Variants in SCML4 observed in about 807,000 individuals in gnomAD.
SCML4 encodes sex comb on midleg-like protein 4.
SCML4 carries 34 observed loss-of-function variants against 41.1 expected under a neutral mutation model. The ratio of observed to expected loss-of-function variants is 0.83; its 90% CI spans 0.63 to 1.10. The LOEUF is 1.10. SCML4 is among the 50% of genes least tolerant of loss of function. The pLI, the probability that SCML4 is intolerant of heterozygous loss-of-function variation, is 0.00. For missense variants in SCML4, 522 were observed against 534.1 expected (o/e 0.98, Z 0.22); for synonymous variants, 214 against 220.9 (o/e 0.97, Z 0.28).
At position 107,745,142 on chromosome 6, in the gene SCML4, G is replaced by C; in HGVS notation, c.489C>G (p.Val163=). 1 of 1,565,608 alleles carries C rather than the reference G, an allele frequency of 6.4e-7. No individual in the cohort carries two copies. Among genetic ancestry groups the C allele is most frequent in the Non-Finnish European group, 8.7e-7 (1 of 1,154,006 alleles). ...GCTGTTTGCCATCAAAGGAAGCCGA[G>C]ACTGGAAAACCAGAGAGATGTCAGC... ...KQGYGGEMVS[V]SASFDGKQHL... is the part of the protein sequence containing the mutation. Residue 163 remains valine, a splice_region_variant and synonymous_variant, in exon 5 of 8, where the codon GTC becomes GTG. Coordinates refer to ENST00000369020, the MANE Select transcript of SCML4 (RefSeq NM_198081.5).
In SCML4 at chr6:107,772,174, T is replaced by C; in HGVS notation, c.154A>G (p.Lys52Glu). The C allele has an allele frequency of 1.3e-6, 2 of 1,549,644 alleles. No individual in the cohort carries two copies. Among genetic ancestry groups the C allele is most frequent in the Non-Finnish European group, 1.7e-6 (2 of 1,146,004 alleles). The change falls in exon 2 of 8, where the codon AAG becomes GAG. Residue 52 changes from lysine (K) to glutamate (E), a missense_variant and splice_region_variant. Coordinates refer to ENST00000369020, the MANE Select transcript of SCML4 (RefSeq NM_198081.5). ...AGAAGGAGATGATGGAGCCGTACCT[T>C]GTACCCGGGTTTCCGCCCTCTTTTC... The part of the protein sequence containing the change: ...PKKRGRKPGY[K>E]IKSRVLMTPL...
intron 3 of SCML4, among the ~76,000 whole-genome samples, chr6:107,749,220 T>C (rs1001818747): frequency 5.3e-5 from 8 of 152,052 alleles, no homozygotes; most frequent in African/African-American, 1.7e-4. Flanking sequence ...TGCCCCACCA[T>C]AGACAGAGAT....
chr6:107,705,912 T>G (rs6910021), intron 7 of SCML4, among the ~76,000 whole-genome samples: 133,014 of 152,148 alleles, frequency 0.87, 58,288 homozygotes, highest in South Asian at 0.92. Flanking sequence ...GCCAGTCCTT[T>G]GAGGTTTGGT....
intron 5 of SCML4, 108 bp downstream of exon 5, chr6:107,744,840 CA>C (rs879617196): frequency 2.2e-6 from 2 of 923,480 alleles, no homozygotes; most frequent in Non-Finnish European, 3.3e-6. Flanking sequence ...CATGGGGCTC[CA>C]GTGGCAGAAC....
At chr6:107,764,723 T>C (rs1368297830) in intron 2 of SCML4, among the ~76,000 whole-genome samples, 1 of 152,144 alleles carries the variant, frequency 6.6e-6, no homozygotes, top group Non-Finnish European at 1.5e-5. Context: ...CCCACCCAAA[T>C]CTCATCTTGA....
chr6:107,817,799 C>A (rs1475965825), intron 1 of SCML4, among the ~76,000 whole-genome samples: 2 of 152,028 alleles, frequency 1.3e-5, no homozygotes, highest in Non-Finnish European at 2.9e-5. Flanking sequence ...CATTGGCCCC[C>A]ACACATTCTC....
intron 2 of SCML4, among the ~76,000 whole-genome samples, chr6:107,759,771 C>G (rs1353789225): frequency 6.6e-6 from 1 of 152,072 alleles, no homozygotes; most frequent in African/African-American, 2.4e-5. Flanking sequence ...CAGAATGAGA[C>G]AGCAAAAGTT....
chr6:107,839,347 A>G, the SCML4 span, among the ~76,000 whole-genome samples: 20 of 23,512 alleles, frequency 8.5e-4, no homozygotes, highest in South Asian at 1.9e-3. Context: ...GAGAAAAAGA[A>G]AGAAAGAAAG....
chr6:107,822,521 T>TTTTG (rs398002553), intron 1 of SCML4, among the ~76,000 whole-genome samples: 1 of 123,346 alleles, frequency 8.1e-6, no homozygotes, highest in East Asian at 2.5e-4. Context: ...TTTTTTTTTT[T>TTTTG]GCAGCAAAAT....
At position 107,746,688 on chromosome 6, in the gene SCML4, C is replaced by A; in HGVS notation, c.487+1G>T. 3.1e-6 allele frequency: 5 copies of A among 1,613,548 alleles called. No homozygotes were observed. Among genetic ancestry groups the A allele is most frequent in the Non-Finnish European group, 4.2e-6 (5 of 1,179,686 alleles). On this transcript the variant is annotated splice_donor_variant, in intron 4 of 7. Transcript: ENST00000369020. LOFTEE classifies it high-confidence loss of function. ...CTCATGCAACCTGCCCCAGGCCTTA[C>A]CTGACACCATCTCACCACCATAGCC...
At chr6:107,755,747 C>A (rs2114524838) in intron 2 of SCML4, 2 of 499,386 alleles carry the variant, frequency 4.0e-6, no homozygotes, top group Non-Finnish European at 2.9e-6. Context: ...TTTCTAACAC[C>A]ATTCTTCAAT....
intron 2 of SCML4, among the ~76,000 whole-genome samples, chr6:107,761,848 C>G (rs10080653): frequency 0.73 from 110,522 of 150,950 alleles, 41,859 homozygotes; most frequent in East Asian, 0.9. Flanking sequence ...AAAGATACTT[C>G]TAAACAACAA....
At position 107,749,740 on chromosome 6, in the gene SCML4, G is replaced by C; in HGVS notation, c.230C>G (p.Ser77Cys). The C allele has an allele frequency of 6.2e-7, 1 of 1,614,078 alleles. No individual in the cohort carries two copies. Among genetic ancestry groups the C allele is most frequent in the Non-Finnish European group, 8.5e-7 (1 of 1,179,962 alleles). ...GACCGTGGCTGCGTCCTGAGGGATG[G>C]AGCTGAGGTCGGGCTCTGGGGTACT... ...PRSTPEPDLS[S>C]IPQDAATVPS... Residue 77 changes from serine (S) to cysteine (C), a missense_variant, in exon 3 of 8, where the codon TCC (serine) becomes TGC (cysteine). Transcript: ENST00000369020.
In SCML4 at chr6:107,743,742, G is replaced by A. The variant is rs561507633; in HGVS notation, c.682+1207C>T. On this transcript the variant is annotated intron_variant, in intron 5 of 7. Coordinates refer to ENST00000369020, the MANE Select transcript of SCML4 (RefSeq NM_198081.5). ...ATTTAATTAGGTACCTTCCTTTGCA[G>A]AGGCCAAATTTCTTCCTGTTTCCCA... 3.1e-3 allele frequency among the ~76,000 whole-genome samples: 472 copies of A among 152,306 alleles called. 1 individual carries two copies. The highest frequency in any genetic ancestry group is 0.011 in the African/African-American group (449 of 41,562).
chr6:107,749,823 A>G lies in SCML4; in HGVS notation c.157-10T>C, dbSNP rs1778463512. 1 of 1,613,958 alleles carries G rather than the reference A, an allele frequency of 6.2e-7. No individual in the cohort carries two copies. Among genetic ancestry groups the G allele is most frequent in the Admixed American group, 1.7e-5 (1 of 60,024 alleles). On this transcript the variant is annotated splice_polypyrimidine_tract_variant and intron_variant, in intron 2 of 7. Coordinates refer to ENST00000369020, the MANE Select transcript of SCML4 (RefSeq NM_198081.5). ...GAACCCGAGACTTGATCTGGAAGAG[A>G]GAGCCCATTTGGTCAATGAGAATCT...
intron 2 of SCML4, among the ~76,000 whole-genome samples, chr6:107,760,318 A>C (rs1399098849): frequency 6.6e-6 from 1 of 152,238 alleles, no homozygotes; most frequent in African/African-American, 2.4e-5. Flanking sequence ...GCCAACATAT[A>C]GGTGTAATCT....
upstream of SCML4, among the ~76,000 whole-genome samples, chr6:107,826,212 C>A (rs1785249810): frequency 1.3e-5 from 2 of 148,766 alleles, no homozygotes; most frequent in South Asian, 2.1e-4. Context: ...CCATTGCACT[C>A]CAGCTTGGGT....
chr6:107,842,928 T>C, the SCML4 span, among the ~76,000 whole-genome samples: 1 of 152,304 alleles, frequency 6.6e-6, no homozygotes, highest in South Asian at 2.1e-4. Flanking sequence ...TATTCTGAAG[T>C]GTACTTTGTC....
At chr6:107,815,225 G>T (rs1016628849) in intron 1 of SCML4, among the ~76,000 whole-genome samples, 2 of 152,188 alleles carry the variant, frequency 1.3e-5, no homozygotes, top group East Asian at 1.9e-4. Context: ...GTCAGTGATG[G>T]TTGTATCTGA....
Sources: allele counts gnomAD v4.1 joint callset (sites outside exome capture counted in the v4.1 genomes callset), GRCh38; gene constraint gnomAD v4.1.1; transcripts MANE v1.5; gene names NCBI Gene and HGNC (gene_info 2026-07-23, HGNC 2026-07-21).